NLGN1: variants seen among roughly 807,000 people sequenced by gnomAD.
NLGN1 encodes the protein neuroligin-1.
In NLGN1, 12 loss-of-function variants were observed where a neutral mutation model predicts 65.5. That is an observed-to-expected ratio of 0.18 (90% CI 0.12 to 0.30). The LOEUF (loss-of-function observed/expected upper bound fraction) is 0.30. NLGN1 is among the 10% of genes least tolerant of loss of function. The pLI, the probability that NLGN1 is intolerant of heterozygous loss-of-function variation, is 1.00. For missense variants in NLGN1, 750 were observed against 1,007.1 expected (o/e 0.74, Z 3.46); for synonymous variants, 350 against 359.5 (o/e 0.97, Z 0.30).
At chr3:173,935,042 T>C (rs1744800302) in intron 4 of NLGN1, among the ~76,000 whole-genome samples, 1 of 152,034 alleles carries the variant, frequency 6.6e-6, no homozygotes, top group Non-Finnish European at 1.5e-5. Context: ...ACCACTCCAT[T>C]ATTTACAAGC....
At chr3:173,884,682 T>C (rs979931730) in intron 4 of NLGN1, among the ~76,000 whole-genome samples, 3 of 152,182 alleles carry the variant, frequency 2.0e-5, no homozygotes, top group Admixed American at 2.0e-4. Context: ...TATTTTTATC[T>C]CATGAATTAA....
intron 2 of NLGN1, among the ~76,000 whole-genome samples, chr3:173,586,977 A>G (rs1052306467): frequency 2.0e-5 from 3 of 152,236 alleles, no homozygotes; most frequent in African/African-American, 7.2e-5. Context: ...GCAAATAAGT[A>G]ATGAAGGTGA....
Position 173,931,581 on chromosome 3 carries a change from G to A in NLGN1, c.646+123749G>A, listed in dbSNP as rs73037266. Among the ~76,000 whole-genome samples, 152 of 152,224 alleles carry A rather than the reference G, an allele frequency of 1.0e-3. 1 individual carries two copies. Among genetic ancestry groups the A allele is most frequent in the Middle Eastern group, 6.8e-3 (2 of 294 alleles). ...GCAGAAGTGTGTCCTGGATATTGAA[G>A]GAACAGCAATAACTGAGGGATTGAA... On this transcript the variant is annotated intron_variant, in intron 4 of 6. Coordinates refer to ENST00000457714, the Ensembl canonical transcript of NLGN1.
chr3:174,121,122 C>T (rs1474226228), intron 4 of NLGN1, among the ~76,000 whole-genome samples: 3 of 152,110 alleles, frequency 2.0e-5, no homozygotes, highest in Non-Finnish European at 4.4e-5. Flanking sequence ...ACTGGGTAGC[C>T]TTGTGTGTGC....
chr3:173,492,741 A>G (rs41334546), intron 2 of NLGN1, among the ~76,000 whole-genome samples: 6,050 of 151,912 alleles, frequency 0.04, 534 homozygotes, highest in African/African-American at 0.14. Flanking sequence ...CAAAAGTAGA[A>G]TAGGTTGGAA....
rs188376280 is a variant in NLGN1, at chr3:174,041,608, G to T, written c.647-233707G>T. Among the ~76,000 whole-genome samples the T allele has an allele frequency of 2.0e-5, 3 of 152,208 alleles. No homozygotes were observed. The East Asian group carries it at 5.8e-4, about 29-fold the overall frequency. On this transcript the variant is annotated intron_variant, in intron 4 of 6. Transcript: ENST00000457714. ...TACTCCACATCCTTACCAAAATTTG[G>T]TGTGGTCAGTCTTTTAATATTTGTT...
chr3:173,669,448 A>G (rs759654703), intron 3 of NLGN1, among the ~76,000 whole-genome samples: 1 of 152,132 alleles, frequency 6.6e-6, no homozygotes, highest in Non-Finnish European at 1.5e-5. Context: ...GTAGATCCTT[A>G]GTTTGTGGCA....
At position 174,048,867 on chromosome 3, in the gene NLGN1, C is replaced by T. The variant is rs553042210; in HGVS notation, c.647-226448C>T. 7.2e-5 allele frequency among the ~76,000 whole-genome samples: 11 copies of T among 151,976 alleles called. No individual in the cohort carries two copies. In the South Asian group the frequency reaches 2.3e-3, roughly 32 times the overall value. ...ATTAGTAACTATAGATGCTAGGTACCACAGAATATTTTTTTCTAAGACATT... is the reference window on the plus strand; with the variant it reads ...ATTAGTAACTATAGATGCTAGGTACTACAGAATATTTTTTTCTAAGACATT... On this transcript the variant is annotated intron_variant, in intron 4 of 6. Transcript: ENST00000457714.
chr3:174,163,061 A>C (rs1726851120), intron 4 of NLGN1, among the ~76,000 whole-genome samples: 2 of 152,088 alleles, frequency 1.3e-5, no homozygotes, highest in Admixed American at 1.3e-4. Flanking sequence ...TGGAGAACAG[A>C]TGAAATTAAG....
intron 3 of NLGN1, among the ~76,000 whole-genome samples, chr3:173,725,118 G>C (rs1430569079): frequency 1.3e-5 from 2 of 151,806 alleles, no homozygotes; most frequent in Non-Finnish European, 2.9e-5. Context: ...CACGGCACAT[G>C]GATACATATG....
intron 3 of NLGN1, among the ~76,000 whole-genome samples, chr3:173,635,321 T>C (rs1295883496): frequency 1.3e-5 from 2 of 152,076 alleles, no homozygotes; most frequent in Non-Finnish European, 2.9e-5. Context: ...ACAATACCAC[T>C]CCTGCAAATA....
intron 4 of NLGN1, among the ~76,000 whole-genome samples, chr3:173,877,786 C>A (rs1483154934): frequency 2.6e-5 from 4 of 152,088 alleles, no homozygotes; most frequent in Admixed American, 1.3e-4. Context: ...CAGTATGTAC[C>A]AGGCATTGTT....
Position 173,979,925 on chromosome 3 carries a change from A to T in NLGN1, c.646+172093A>T, listed in dbSNP as rs373268583. ...AAATTTTCCATCTGGCACCTTATCA[A>T]TAACTGTATTTATATCTCTGTGGTT... On this transcript the variant is annotated intron_variant, in intron 4 of 6. Transcript: ENST00000457714. Among the ~76,000 whole-genome samples, 3 of 152,180 alleles carry T rather than the reference A, an allele frequency of 2.0e-5. No individual in the cohort carries two copies. In the East Asian group the frequency reaches 5.8e-4, roughly 29 times the overall value.
At chr3:173,978,834 TAAAAAAAAAA>T (rs34496124) in intron 4 of NLGN1, among the ~76,000 whole-genome samples, 1 of 111,276 alleles carries the variant, frequency 9.0e-6, no homozygotes, top group South Asian at 3.0e-4. Flanking sequence ...CTTCTCTAAT[TAAAAAAAAAA>T]AAAAAAAAAA....
intron 3 of NLGN1, among the ~76,000 whole-genome samples, chr3:173,611,333 A>T (rs1382856160): frequency 2.6e-5 from 4 of 152,028 alleles, no homozygotes; most frequent in Non-Finnish European, 5.9e-5. Flanking sequence ...TTGCCCAAAG[A>T]TTCATAATTT....
At chr3:173,880,361 C>T (rs895590456) in intron 4 of NLGN1, among the ~76,000 whole-genome samples, 6 of 151,600 alleles carry the variant, frequency 4.0e-5, no homozygotes, top group African/African-American at 7.3e-5. Context: ...GTACCATTGC[C>T]GTTTTCTTTT....
At chr3:174,246,294 A>G (rs963089411) in intron 4 of NLGN1, among the ~76,000 whole-genome samples, 5 of 152,236 alleles carry the variant, frequency 3.3e-5, no homozygotes, top group African/African-American at 1.2e-4. Flanking sequence ...TGCTCTGTAT[A>G]TGATCTTATC....
chr3:173,459,013 A>C (rs17253008), intron 2 of NLGN1, among the ~76,000 whole-genome samples: 24,931 of 152,006 alleles, frequency 0.16, 2,101 homozygotes, highest in Middle Eastern at 0.26. Context: ...CTCCAGCCAC[A>C]GAGAGCCTGA....
chr3:173,818,173 T>G (rs1430552025), intron 4 of NLGN1, among the ~76,000 whole-genome samples: 1 of 152,182 alleles, frequency 6.6e-6, no homozygotes, highest in Non-Finnish European at 1.5e-5. Flanking sequence ...GTTTACAATG[T>G]TAAAAAAGTC....
Sources: allele counts gnomAD v4.1 joint callset (sites outside exome capture counted in the v4.1 genomes callset), GRCh38; gene constraint gnomAD v4.1.1; transcripts MANE v1.5; gene names NCBI Gene and HGNC (gene_info 2026-07-23, HGNC 2026-07-21).